BTBD16: variants seen among roughly 807,000 people sequenced by gnomAD.
The protein encoded by BTBD16 is BTB domain containing 16.
A neutral mutation model predicts 67.4 loss-of-function variants in BTBD16; 66 were observed. The ratio of observed to expected loss-of-function variants is 0.98; its 90% CI spans 0.80 to 1.20. The LOEUF (loss-of-function observed/expected upper bound fraction) is 1.20. Ranked by LOEUF, BTBD16 falls within the 50% of genes most tolerant of loss-of-function variation. The pLI, the probability that BTBD16 is intolerant of heterozygous loss-of-function variation, is 0.00. For synonymous variants in BTBD16, 242 were observed against 236.4 expected, an observed-to-expected ratio of 1.02 and a Z score of -0.22; for missense variants, 634 against 616.0, an observed-to-expected ratio of 1.03 and a Z score of -0.31.
At position 122,336,553 on chromosome 10, in the gene BTBD16, CCT is replaced by C. The variant is rs2096463553; in HGVS notation, c.1324_1325del (p.Leu442AlafsTer9). 13 of 1,612,180 alleles carry C rather than the reference CCT, an allele frequency of 8.1e-6. No homozygotes were observed. Among genetic ancestry groups the C allele is most frequent in the Non-Finnish European group, 9.3e-6 (11 of 1,179,480 alleles). On this transcript the variant is annotated frameshift_variant, in exon 15 of 16. Coordinates refer to ENST00000260723, the MANE Select transcript of BTBD16 (RefSeq NM_144587.5). LOFTEE classifies it high-confidence loss of function. ...SAVYEHNHVS[L>X]RAARLVKYEI... is the part of the protein sequence containing the mutation. ...CGGTCTACGAGCACAACCACGTCAG[CCT>C]GCGAGCGGCACGCCTGGTGAAGTAT...
At chr10:122,303,300 C>G (rs886654524) in intron 9 of BTBD16, among the ~76,000 whole-genome samples, 2 of 152,136 alleles carry the variant, frequency 1.3e-5, no homozygotes, top group African/African-American at 4.8e-5. Flanking sequence ...TTACTCTTAC[C>G]ACATGAATAA....
intron 13 of BTBD16, 138 bp downstream of exon 13, chr10:122,332,651 C>G (rs878965667): frequency 9.6e-7 from 1 of 1,047,072 alleles, no homozygotes; most frequent in Non-Finnish European, 1.4e-6. Context: ...ACAGGTGTCT[C>G]TCCTGCATGG....
intron 3 of BTBD16, among the ~76,000 whole-genome samples, chr10:122,280,527 G>A (rs1192757528): frequency 2.6e-5 from 4 of 151,624 alleles, no homozygotes; most frequent in African/African-American, 9.7e-5. Context: ...ATGCTTAAGA[G>A]GTAAGAATGG....
chr10:122,333,654 C>T (rs987593785), intron 13 of BTBD16, among the ~76,000 whole-genome samples: 1 of 152,034 alleles, frequency 6.6e-6, no homozygotes, highest in Admixed American at 6.5e-5. Context: ...TCCCAGGGAC[C>T]TGTGAAGGGA....
At chr10:122,309,664 C>T (rs566965578) in intron 10 of BTBD16, among the ~76,000 whole-genome samples, 11 of 152,048 alleles carry the variant, frequency 7.2e-5, no homozygotes, top group African/African-American at 2.7e-4. Flanking sequence ...TTTGTAGAAA[C>T]AGGGCCACTC....
rs570472899 is a variant in BTBD16 at position 122,275,117 on chromosome 10, T to C, written c.18+18T>C. 625 of 1,612,122 alleles carry C rather than the reference T, an allele frequency of 3.9e-4. 12 individuals are homozygous for C. The South Asian group carries it at 6.7e-3, about 17-fold the overall frequency. ...CGAACACGGTGAGTAGATCAGTTTC[T>C]CAAGAAGGTAGGTGATGAGAAGAAG... is the stretch of plus-strand genomic sequence containing the variant. On this transcript the variant is annotated intron_variant, in intron 2 of 15. Transcript: ENST00000260723.
intron 1 of BTBD16, among the ~76,000 whole-genome samples, chr10:122,272,257 ATAC>A (rs1222386912): frequency 6.6e-6 from 1 of 152,256 alleles, no homozygotes; most frequent in Non-Finnish European, 1.5e-5. Context: ...ACACACATGC[ATAC>A]ATGGATGCAA....
chr10:122,336,337 A>C (rs1410730254), intron 14 of BTBD16, 157 bp from the exon 15 acceptor site: 10 of 223,654 alleles, frequency 4.5e-5, no homozygotes, highest in Non-Finnish European at 6.7e-5. Context: ...CAACTGACTC[A>C]GCAGCAGCAA....
At chr10:122,304,876 C>A (rs1004031720) in intron 9 of BTBD16, among the ~76,000 whole-genome samples, 2 of 152,108 alleles carry the variant, frequency 1.3e-5, no homozygotes, top group Admixed American at 6.5e-5. Context: ...TGGCAATGCT[C>A]ATTTATGGAG....
rs866241659 is a variant in BTBD16 at position 122,304,698 on chromosome 10, C to T, written c.792-2491C>T. The stretch of plus-strand genomic sequence containing the variant: ...GCCTCCTGAGTAGCTGGGACTCAGG[C>T]GCCTGCCACCATGCCCGGATAATTT... On this transcript the variant is annotated intron_variant, in intron 9 of 15. Transcript: ENST00000260723. Among the ~76,000 whole-genome samples, 20 of 151,770 alleles carry T rather than the reference C, an allele frequency of 1.3e-4. 1 individual carries two copies. Among genetic ancestry groups the T allele is most frequent in the Admixed American group, 1.2e-3 (18 of 15,214 alleles).
chr10:122,335,416 G>T (rs2096461922), intron 14 of BTBD16, among the ~76,000 whole-genome samples: 1 of 152,204 alleles, frequency 6.6e-6, no homozygotes, highest in African/African-American at 2.4e-5. Flanking sequence ...AAGTCAGGAG[G>T]GTGCTTGACT....
intron 10 of BTBD16, chr10:122,327,388 C>T (rs1386218663): frequency 6.5e-6 from 1 of 154,204 alleles, no homozygotes; most frequent in African/African-American, 2.4e-5. Flanking sequence ...ATGTTGAGGA[C>T]TCACTGGGAG....
At chr10:122,324,167 CTT>C (rs548127608) in intron 10 of BTBD16, among the ~76,000 whole-genome samples, 188 of 152,328 alleles carry the variant, frequency 1.2e-3, no homozygotes, top group Non-Finnish European at 2.3e-3. Context: ...TCCAGAAAGC[CTT>C]CTCTGATCTC....
intron 10 of BTBD16, 94 bp downstream of exon 10, chr10:122,307,402 A>T: frequency 7.7e-7 from 1 of 1,301,756 alleles, no homozygotes; most frequent in South Asian, 1.7e-5. Flanking sequence ...TCAGTGATAT[A>T]ATTTTTCATA....
chr10:122,282,869 G>A (rs1038615733), intron 3 of BTBD16, among the ~76,000 whole-genome samples: 1 of 152,216 alleles, frequency 6.6e-6, no homozygotes, highest in Non-Finnish European at 1.5e-5. Context: ...CCCAGAGAAA[G>A]CGGCAATGAA....
intron 10 of BTBD16, among the ~76,000 whole-genome samples, chr10:122,312,523 A>C (rs543478626): frequency 8.2e-4 from 125 of 152,144 alleles, no homozygotes; most frequent in Middle Eastern, 3.4e-3. Flanking sequence ...TATGTTGGCC[A>C]GGCTGGTCTT....
intron 11 of BTBD16, 70 bp downstream of exon 11, chr10:122,329,641 C>T: frequency 1.5e-6 from 2 of 1,293,986 alleles, no homozygotes; most frequent in Non-Finnish European, 2.2e-6. Context: ...CCAGCCACTG[C>T]CGGGGGAGCC....
rs1006483073 is a variant in BTBD16 at position 122,332,171 on chromosome 10, A to T, written c.1087-265A>T. On this transcript the variant is annotated intron_variant, in intron 12 of 15. Transcript: ENST00000260723. ...CTGTGATCATCTCTGCCCCATGCAC[A>T]CATTTTATTTCCCATGTGAGACTGC... 1.2e-5 allele frequency: 5 copies of T among 410,136 alleles called. No homozygotes were observed. In the East Asian group the frequency reaches 2.3e-4, roughly 19 times the overall value. 25.4% of individuals were successfully genotyped at this position (410,136 alleles called of 1,614,324 possible).
At position 122,332,551 on chromosome 10, in the gene BTBD16, T is replaced by A. The variant is rs376452227; in HGVS notation, c.1164+38T>A. ...GTACCCGAACAAGGGGAAGAACTGT[T>A]CCTCTCGTGCTTAGTTAAGAACCTT... On this transcript the variant is annotated intron_variant, in intron 13 of 15. Coordinates refer to ENST00000260723, the MANE Select transcript of BTBD16 (RefSeq NM_144587.5). The A allele has an allele frequency of 3.3e-5, 53 of 1,590,054 alleles. No homozygotes were observed. In the African/African-American group the frequency reaches 6.2e-4, roughly 19 times the overall value.
Sources: gnomAD v4.1 joint callset for allele counts (sites outside exome capture counted in the v4.1 genomes callset) on GRCh38, gnomAD v4.1.1 for gene constraint, MANE v1.5 for transcripts, NCBI Gene and HGNC (gene_info 2026-07-23, HGNC 2026-07-21) for gene names.